MALRD1: variants seen among roughly 807,000 people sequenced by gnomAD.
The protein encoded by MALRD1 is MAM and LDL-receptor class A domain-containing protein 1.
Under a neutral mutation model 242.1 loss-of-function variants are expected in MALRD1, and 247 were observed. That is an observed-to-expected ratio of 1.02 (90% CI 0.92 to 1.13). MALRD1 has a LOEUF of 1.13. MALRD1 is among the 50% of genes most tolerant of loss of function. The pLI is 0.00. For synonymous variants in MALRD1, 995 were observed against 866.6 expected (o/e 1.15, Z -2.60); for missense variants, 2,989 against 2,533.1 (o/e 1.18, Z -3.86).
At chr10:19,613,587 T>G (rs1374411158) in intron 35 of MALRD1, among the ~76,000 whole-genome samples, 1 of 152,038 alleles carries the variant, frequency 6.6e-6, no homozygotes, top group Non-Finnish European at 1.5e-5. Context: ...TTTTGCTAGT[T>G]TATTACCAAC....
At chr10:19,550,300 A>T (rs1835420588) in intron 32 of MALRD1, among the ~76,000 whole-genome samples, 1 of 152,080 alleles carries the variant, frequency 6.6e-6, no homozygotes, top group Non-Finnish European at 1.5e-5. Flanking sequence ...CCAAACCCAG[A>T]AATTGTGGTG....
At chr10:19,490,100 G>C (rs1348892855) in intron 29 of MALRD1, among the ~76,000 whole-genome samples, 1 of 152,040 alleles carries the variant, frequency 6.6e-6, no homozygotes, top group African/African-American at 2.4e-5. Flanking sequence ...CTTTAAAAAA[G>C]AATTACAATA....
chr10:19,326,598 A>T (rs1157905745), intron 22 of MALRD1, among the ~76,000 whole-genome samples: 1 of 151,996 alleles, frequency 6.6e-6, no homozygotes, highest in East Asian at 1.9e-4. Flanking sequence ...CTTGACCTTG[A>T]TAATGTTCCA....
At chr10:19,238,253 CATA>C (rs1322139325) in intron 18 of MALRD1, among the ~76,000 whole-genome samples, 1 of 57,912 alleles carries the variant, frequency 1.7e-5, no homozygotes, top group Non-Finnish European at 2.9e-5. Context: ...ATGTAATATA[CATA>C]ATATATATTA....
At chr10:19,589,128 C>A (rs7904328) in intron 33 of MALRD1, among the ~76,000 whole-genome samples, 2,190 of 152,126 alleles carry the variant, frequency 0.014, 50 homozygotes, top group African/African-American at 0.05. Flanking sequence ...AGAAAAGTAT[C>A]ACATACAATG....
At chr10:19,616,330 T>G (rs1178651753) in intron 36 of MALRD1, among the ~76,000 whole-genome samples, 1 of 152,048 alleles carries the variant, frequency 6.6e-6, no homozygotes, top group Non-Finnish European at 1.5e-5. Flanking sequence ...GAAATTAATT[T>G]ATAAATAAAA....
At chr10:19,049,175 G>T in intron 1 of MALRD1, 38 bp downstream of exon 1, 2 of 1,231,244 alleles carry the variant, frequency 1.6e-6, no homozygotes, top group Non-Finnish European at 2.0e-6. Context: ...TCAATTCCCC[G>T]TACAGCCTGA....
At chr10:19,214,420 G>C (rs893332014) in intron 18 of MALRD1, among the ~76,000 whole-genome samples, 20 of 152,264 alleles carry the variant, frequency 1.3e-4, no homozygotes, top group African/African-American at 4.8e-4. Flanking sequence ...TCTAGTTCTT[G>C]TTACTCCATC....
rs546278159 is a variant in MALRD1 at position 19,123,113 on chromosome 10, T to G, written c.695-379T>G. ...CCTTCCAGGTTTAAGGGGCGCCATA[T>G]CTTGTATTGGACACATGTACAACTG... On this transcript the variant is annotated intron_variant, in intron 5 of 39. Transcript: ENST00000454679. Among the ~76,000 whole-genome samples, 5 of 152,144 alleles carry G rather than the reference T, an allele frequency of 3.3e-5. No homozygotes were observed. In the East Asian group the frequency reaches 9.6e-4, roughly 29 times the overall value.
At position 19,571,827 on chromosome 10, in the gene MALRD1, G is replaced by A. The variant is rs564856791; in HGVS notation, c.5680+4124G>A. ...AGATGAGACACAAATGAACCAAGGC[G>A]CCTGAATTAACAGATAATTTTCTTA... On this transcript the variant is annotated intron_variant, in intron 33 of 39. Coordinates refer to ENST00000454679, the MANE Select transcript of MALRD1 (RefSeq NM_001142308.3). 2.6e-5 allele frequency among the ~76,000 whole-genome samples: 4 copies of A among 152,152 alleles called. No individual in the cohort carries two copies. In the South Asian group the frequency reaches 6.2e-4, roughly 24 times the overall value.
intron 36 of MALRD1, among the ~76,000 whole-genome samples, chr10:19,662,214 G>A (rs1004676961): frequency 6.6e-5 from 10 of 151,874 alleles, no homozygotes; most frequent in East Asian, 1.9e-4. Flanking sequence ...ACACTATTTC[G>A]TATTTATAAT....
At chr10:19,304,628 C>T (rs2131966900) in intron 21 of MALRD1, among the ~76,000 whole-genome samples, 1 of 151,736 alleles carries the variant, frequency 6.6e-6, no homozygotes, top group South Asian at 2.1e-4. Flanking sequence ...ATTACATAAT[C>T]TTATCAATTG....
chr10:19,374,136 A>G (rs186043917), intron 26 of MALRD1, among the ~76,000 whole-genome samples: 34 of 152,196 alleles, frequency 2.2e-4, no homozygotes, highest in African/African-American at 8.0e-4. Flanking sequence ...GTTTTCAATG[A>G]CTTAGTCTGC....
At chr10:19,242,473 G>A (rs1010296398) in intron 18 of MALRD1, among the ~76,000 whole-genome samples, 6 of 151,996 alleles carry the variant, frequency 3.9e-5, no homozygotes, top group African/African-American at 1.4e-4. Context: ...TCATTTTTTG[G>A]TTGATTTTCT....
intron 19 of MALRD1, among the ~76,000 whole-genome samples, chr10:19,259,582 G>A (rs12255706): frequency 0.07 from 10,645 of 152,058 alleles, 461 homozygotes; most frequent in African/African-American, 0.11. Flanking sequence ...GGAAAGACCC[G>A]CCCCCGTGAT....
intron 28 of MALRD1, among the ~76,000 whole-genome samples, chr10:19,399,944 G>A (rs1846760737): frequency 2.0e-5 from 3 of 152,218 alleles, no homozygotes; most frequent in Admixed American, 1.3e-4. Context: ...TGAGCAGTTT[G>A]GGATATACTA....
rs1242055278 is a variant in MALRD1 at position 19,387,542 on chromosome 10, G to A, written c.4456G>A (p.Gly1486Ser). The change falls in exon 27 of 40, where the codon GGC becomes AGC. Residue 1486 changes from glycine to serine, a missense_variant. Physicochemically the swap from Gly to Ser is moderately conservative, Grantham distance 56. Transcript: ENST00000454679. ...VPLPTGFCPL[G>S]YRECHNGKCY... ...TTTTGTTTTAGGTTTCTGCCCACTTGGCTATAGGGAATGTCATAATGGAAA... is the reference window on the plus strand; with the variant it reads ...TTTTGTTTTAGGTTTCTGCCCACTTAGCTATAGGGAATGTCATAATGGAAA... 4.5e-6 allele frequency: 7 copies of A among 1,550,006 alleles called. No individual in the cohort carries two copies. The highest frequency in any genetic ancestry group is 6.1e-6 in the Non-Finnish European group (7 of 1,146,774).
intron 5 of MALRD1, among the ~76,000 whole-genome samples, 170 bp from the exon 6 acceptor site, chr10:19,123,322 T>TGAGA (rs1253203254): frequency 2.9e-4 from 44 of 151,322 alleles, no homozygotes; most frequent in African/African-American, 1.1e-3. Context: ...TGTGTGTGTG[T>TGAGA]GTGAGAGAGA....
rs914293827 is a variant in MALRD1 at position 19,257,733 on chromosome 10, T to A, written c.3041T>A (p.Ile1014Asn). Reference protein sequence around the residue: ...VGDGFTGDIAIDDLSFMDCTL... With the variant: ...VGDGFTGDIANDDLSFMDCTL... ...GATGGCTTCACTGGAGATATTGCGA[T>A]TGATGATCTGTCATTTATGGACTGC... The change falls in exon 19 of 40, where the codon ATT becomes AAT. Residue 1014 changes from isoleucine (I) to asparagine (N), a missense_variant. Physicochemically the swap from Ile to Asn is moderately radical, Grantham distance 149. Coordinates refer to ENST00000454679, the MANE Select transcript of MALRD1 (RefSeq NM_001142308.3). The A allele has an allele frequency of 2.6e-6, 4 of 1,542,438 alleles. No individual in the cohort carries two copies. Among genetic ancestry groups the A allele is most frequent in the Middle Eastern group, 1.7e-4 (1 of 5,950 alleles).
Sources: allele counts gnomAD v4.1 joint callset (sites outside exome capture counted in the v4.1 genomes callset), GRCh38; gene constraint gnomAD v4.1.1; transcripts MANE v1.5; gene names NCBI Gene and HGNC (gene_info 2026-07-23, HGNC 2026-07-21).